The following CCDC33 variants were observed in gnomAD, a reference collection of about 807,000 sequenced individuals.
The protein encoded by CCDC33 is coiled-coil domain containing 33.
Under a neutral mutation model 91.9 loss-of-function variants are expected in CCDC33, and 94 were observed. The observed-to-expected ratio is 1.02, with a 90% CI of 0.87 to 1.21. The LOEUF (loss-of-function observed/expected upper bound fraction) is 1.21, where lower values mean the gene tolerates loss of function less well. Ranked by LOEUF, CCDC33 falls within the 50% of genes most tolerant of loss-of-function variation. The probability of loss-of-function intolerance (pLI) is 0.00; values close to 1 mark genes in which losing one functional copy is unlikely to be tolerated. For synonymous variants in CCDC33, 396 were observed against 374.5 expected, an observed-to-expected ratio of 1.06 and a Z score of -0.66; for missense variants, 940 against 935.5, an observed-to-expected ratio of 1.00 and a Z score of -0.06.
At chr15:74,277,791 C>T (rs1190311019) in intron 7 of CCDC33, among the ~76,000 whole-genome samples, 1 of 152,176 alleles carries the variant, frequency 6.6e-6, no homozygotes, top group African/African-American at 2.4e-5. Context: ...CCTTATTGGG[C>T]CGGCAGCCAC....
At position 74,335,048 on chromosome 15, in the gene CCDC33, G is replaced by A. The variant is rs751774872; in HGVS notation, c.2099G>A (p.Gly700Asp). The stretch of plus-strand genomic sequence containing the variant: ...ACACGGCTGCAGGAGCAAGAAAAAG[G>A]TTTCAGGCACCCCTCGAACTCCATC... ...LATRLQEQEK[G>D]FRHPSNSIII... Residue 700 changes from glycine to aspartate, a missense_variant, in exon 18 of 19, where the codon GGT becomes GAT. Transcript: ENST00000398814. The A allele has an allele frequency of 2.0e-5, 33 of 1,614,128 alleles. No individual in the cohort carries two copies. The highest frequency in any genetic ancestry group is 5.0e-5 in the Admixed American group (3 of 60,022).
upstream of CCDC33, chr15:74,213,083 G>A (rs2074383781): frequency 6.6e-6 from 1 of 152,028 alleles, no homozygotes; most frequent in Non-Finnish European, 1.5e-5. Flanking sequence ...GGCAGTAGTG[G>A]TGTACACTTG....
chr15:74,266,575 T>C, intron 3 of CCDC33, 103 bp from the exon 4 acceptor site: 2 of 808,338 alleles, frequency 2.5e-6, no homozygotes, highest in South Asian at 3.0e-5. Flanking sequence ...TGGCCCCTGC[T>C]CCCTACTCTC....
At chr15:74,220,764 G>T (rs1468124540) in intron 2 of CCDC33, among the ~76,000 whole-genome samples, 5 of 152,182 alleles carry the variant, frequency 3.3e-5, no homozygotes, top group Non-Finnish European at 7.4e-5. Context: ...TCGCTTCCCT[G>T]GGGGAGAGTG....
rs551976779 is a variant in CCDC33 at position 74,248,235 on chromosome 15, T to C, written c.185+4087T>C. 6.0e-5 allele frequency among the ~76,000 whole-genome samples: 9 copies of C among 148,940 alleles called. No homozygotes were observed. In the South Asian group the frequency reaches 1.7e-3, roughly 28 times the overall value. ...AAGTATATGTGTATCAAATCATCAC[T>C]GTGTACATTTTAAATACATCTAAAT... On this transcript the variant is annotated intron_variant, in intron 2 of 18. Transcript: ENST00000398814.
intron 1 of CCDC33, chr15:74,217,656 G>C: frequency 1.8e-6 from 2 of 1,107,528 alleles, no homozygotes; most frequent in Non-Finnish European, 2.3e-6. Flanking sequence ...TGGGACCCCA[G>C]AGAGCCTCAG....
intron 11 of CCDC33, among the ~76,000 whole-genome samples, chr15:74,305,501 G>A (rs2059876826): frequency 2.0e-5 from 3 of 152,178 alleles, no homozygotes; most frequent in South Asian, 2.1e-4. Context: ...GAGACAGCAT[G>A]AAAAGGAGCA....
At chr15:74,281,714 A>G in intron 9 of CCDC33, 64 bp from the exon 10 acceptor site, 1 of 1,374,180 alleles carries the variant, frequency 7.3e-7, no homozygotes, top group Non-Finnish European at 1.0e-6. Context: ...CTAGAACAGT[A>G]GGTGGGGCAG....
intron 7 of CCDC33, among the ~76,000 whole-genome samples, chr15:74,276,593 C>T (rs1415483550): frequency 6.6e-6 from 1 of 152,188 alleles, no homozygotes; most frequent in Non-Finnish European, 1.5e-5. Context: ...CCAGGGCATC[C>T]CCTGCCTAGC....
chr15:74,336,408 C>T (rs748884255), downstream of CCDC33: 7 of 1,311,238 alleles, frequency 5.3e-6, no homozygotes, highest in African/African-American at 7.5e-5. Flanking sequence ...TTGGGAAATA[C>T]GAGGGAGGCT....
intron 2 of CCDC33, among the ~76,000 whole-genome samples, chr15:74,228,901 G>A (rs993103789): frequency 6.6e-6 from 1 of 152,224 alleles, no homozygotes; most frequent in African/African-American, 2.4e-5. Context: ...AGAGATGGCG[G>A]GTGGTGTGAG....
intron 2 of CCDC33, chr15:74,221,169 T>C (rs2074581030): frequency 3.1e-6 from 3 of 970,458 alleles, no homozygotes; most frequent in African/African-American, 3.5e-5. Context: ...CAGAACTTGG[T>C]TGTAGGCTCA....
intron 2 of CCDC33, among the ~76,000 whole-genome samples, chr15:74,222,707 T>C (rs1567213469): frequency 6.6e-6 from 1 of 151,816 alleles, no homozygotes; most frequent in Non-Finnish European, 1.5e-5. Context: ...TAAGGAGAAG[T>C]GGAGGGGAAA....
chr15:74,258,337 C>A (rs1339333455), intron 2 of CCDC33, among the ~76,000 whole-genome samples: 2 of 152,226 alleles, frequency 1.3e-5, no homozygotes, highest in Non-Finnish European at 2.9e-5. Context: ...CTTTCCTTTG[C>A]TCTCTTGGTG....
Position 74,262,548 on chromosome 15 carries a change from C to T in CCDC33, c.294C>T (p.Ile98=), listed in dbSNP as rs757484978. The T allele has an allele frequency of 1.1e-5, 18 of 1,613,490 alleles. No homozygotes were observed. The highest frequency in any genetic ancestry group is 7.7e-5 in the South Asian group (7 of 90,996). ...GGGGGGACACGGTGAATGTGGAGAT[C>T]CAAGCTGAGGATGCAGGGCAAGAAG... ...PIWGDTVNVE[I]QAEDAGQEDV... The change falls in exon 3 of 19, where the codon ATC becomes ATT. Residue 98 remains isoleucine (I), a synonymous_variant. Coordinates refer to ENST00000398814, the MANE Select transcript of CCDC33 (RefSeq NM_025055.5).
chr15:74,214,158 C>T (rs1358900371), upstream of CCDC33, among the ~76,000 whole-genome samples: 1 of 151,844 alleles, frequency 6.6e-6, no homozygotes, highest in African/African-American at 2.4e-5. Flanking sequence ...TGAAAGGAGC[C>T]ATTGTGGGAA....
intron 11 of CCDC33, among the ~76,000 whole-genome samples, chr15:74,324,120 C>T (rs969942957): frequency 6.6e-6 from 1 of 150,518 alleles, no homozygotes; most frequent in African/African-American, 2.5e-5. Flanking sequence ...AAAGTGTGAG[C>T]CACTGTGCCT....
chr15:74,296,607 CA>C (rs1423582416), intron 11 of CCDC33, among the ~76,000 whole-genome samples: 1 of 152,070 alleles, frequency 6.6e-6, no homozygotes, highest in Non-Finnish European at 1.5e-5. Flanking sequence ...GCCTGGGCAA[CA>C]AGAGTGAAAC....
intron 11 of CCDC33, among the ~76,000 whole-genome samples, chr15:74,326,691 A>T (rs2060316647): frequency 6.6e-6 from 1 of 152,256 alleles, no homozygotes; most frequent in Non-Finnish European, 1.5e-5. Context: ...AGCCTTAGGC[A>T]CAATGGCTTT....
Sources: allele counts gnomAD v4.1 joint callset (sites outside exome capture counted in the v4.1 genomes callset), GRCh38; gene constraint gnomAD v4.1.1; transcripts MANE v1.5; gene names NCBI Gene and HGNC (gene_info 2026-07-23, HGNC 2026-07-21).